CASZ1: variants seen among roughly 807,000 people sequenced by gnomAD.
The protein encoded by CASZ1 is castor zinc finger 1.
In CASZ1, 28 loss-of-function variants were observed where a neutral mutation model predicts 135.2. That is an observed-to-expected ratio of 0.21 (90% CI 0.15 to 0.28). The LOEUF (loss-of-function observed/expected upper bound fraction) is 0.28, where lower values mean the gene tolerates loss of function less well. Ranked by LOEUF, CASZ1 falls within the 10% of genes least tolerant of loss-of-function variation. The pLI, the probability that CASZ1 is intolerant of heterozygous loss-of-function variation, is 1.00. For synonymous variants in CASZ1, 1,068 were observed against 1,073.4 expected (o/e 0.99, Z 0.10); for missense variants, 2,161 against 2,453.3 (o/e 0.88, Z 2.52).
chr1:10,772,911 G>A (rs1035707561), intron 1 of CASZ1, among the ~76,000 whole-genome samples: 6 of 151,530 alleles, frequency 4.0e-5, no homozygotes, highest in Admixed American at 1.3e-4. Context: ...TGGGACCTCC[G>A]CCTGCCATGA....
At chr1:10,753,382 C>T (rs1640184424) in intron 2 of CASZ1, among the ~76,000 whole-genome samples, 1 of 152,222 alleles carries the variant, frequency 6.6e-6, no homozygotes, top group Non-Finnish European at 1.5e-5. Flanking sequence ...CCCGTCACTG[C>T]TGCACTGTCC....
chr1:10,761,141 G>C (rs1217502571), intron 1 of CASZ1, among the ~76,000 whole-genome samples: 1 of 152,266 alleles, frequency 6.6e-6, no homozygotes, highest in Non-Finnish European at 1.5e-5. Flanking sequence ...AACAATACTA[G>C]GCCAATCAGG....
In CASZ1 at chr1:10,747,367, G is replaced by A. The variant is rs986820857; in HGVS notation, c.-77+13334C>T. Among the ~76,000 whole-genome samples, 12 of 152,184 alleles carry A rather than the reference G, an allele frequency of 7.9e-5. No individual in the cohort carries two copies. Among genetic ancestry groups the A allele is most frequent in the African/African-American group, 2.2e-4 (9 of 41,452 alleles). ...CCATGGGCAGGGATTCTTACCAAGT[G>A]CTAAGTCTAGCACCTGCCAAACCGT... On this transcript the variant is annotated intron_variant, in intron 2 of 20. Transcript: ENST00000377022. The surrounding 1 kb of genome is among the most constrained non-coding windows in gnomAD (Gnocchi z 4.3).
chr1:10,753,157 T>A (rs536051733), intron 2 of CASZ1, among the ~76,000 whole-genome samples: 27 of 152,244 alleles, frequency 1.8e-4, no homozygotes, highest in Admixed American at 3.3e-4. Flanking sequence ...GAAATTTAAA[T>A]GTACTAGGTA....
chr1:10,716,016 C>A (rs1231718342), intron 2 of CASZ1, among the ~76,000 whole-genome samples: 23 of 137,784 alleles, frequency 1.7e-4, no homozygotes, highest in Middle Eastern at 4.3e-3. Flanking sequence ...CCAATCCACA[C>A]CCCACAGCAC....
rs908321631 is a variant in CASZ1 at position 10,787,428 on chromosome 1, C to T, written c.-234+9136G>A. Among the ~76,000 whole-genome samples, 6 of 152,336 alleles carry T rather than the reference C, an allele frequency of 3.9e-5. No individual in the cohort carries two copies. In the East Asian group the frequency reaches 5.8e-4, roughly 15 times the overall value. On this transcript the variant is annotated intron_variant, in intron 1 of 20. Transcript: ENST00000377022. ...GGTCTCCCCAAGGATCAGATTTCCC[C>T]GAAATTCCCGAAGGAGCTGTGGGGA...
chr1:10,693,797 G>A, intron 4 of CASZ1, 77 bp downstream of exon 4: 2 of 1,372,580 alleles, frequency 1.5e-6, no homozygotes, highest in East Asian at 2.3e-5. Flanking sequence ...CACCTCATTG[G>A]GCTAAAAATA....
intron 1 of CASZ1, among the ~76,000 whole-genome samples, chr1:10,790,903 G>T (rs12092612): frequency 6.6e-6 from 1 of 151,608 alleles, no homozygotes; most frequent in Non-Finnish European, 1.5e-5. Context: ...AGTTTGGGGG[G>T]GGACATCATG....
At chr1:10,681,230 C>T (rs530644313) in intron 4 of CASZ1, among the ~76,000 whole-genome samples, 1 of 151,420 alleles carries the variant, frequency 6.6e-6, no homozygotes, top group Admixed American at 6.6e-5. Flanking sequence ...AGTCTTTTAT[C>T]CATTACCCTC....
intron 2 of CASZ1, among the ~76,000 whole-genome samples, chr1:10,714,962 C>T (rs1361136801): frequency 6.6e-6 from 1 of 152,190 alleles, no homozygotes; most frequent in African/African-American, 2.4e-5. Context: ...CCGAGGAATT[C>T]CTATGAGACC....
At chr1:10,736,816 C>T (rs964433690) in intron 2 of CASZ1, among the ~76,000 whole-genome samples, 1 of 152,206 alleles carries the variant, frequency 6.6e-6, no homozygotes, top group Admixed American at 6.5e-5. Context: ...CAATCCATCA[C>T]TGAAGGACAG....
chr1:10,692,427 G>A (rs1054185526), intron 4 of CASZ1, among the ~76,000 whole-genome samples: 1 of 152,156 alleles, frequency 6.6e-6, no homozygotes, highest in Non-Finnish European at 1.5e-5. Flanking sequence ...GAAAGGGGGT[G>A]GGGCCTGAGA....
At position 10,642,776 on chromosome 1, in the gene CASZ1, C is replaced by T. The variant is rs1192383698; in HGVS notation, c.4162+83G>A. 6.7e-6 allele frequency: 10 copies of T among 1,501,212 alleles called. No individual in the cohort carries two copies. The Admixed American group carries it at 1.5e-4, about 23-fold the overall frequency. 93.0% of individuals were successfully genotyped at this position (1,501,212 alleles called of 1,614,324 possible). A position where few individuals can be genotyped will look rare whatever the true frequency, so the allele number is the denominator to read the frequency against. On this transcript the variant is annotated intron_variant, in intron 20 of 20. Coordinates refer to ENST00000377022, the MANE Select transcript of CASZ1 (RefSeq NM_001079843.3). ...CTCCTCGGAGGCCGCGTGCCCCGGA[C>T]CTTCTGTCCCAAGCTGCACCCAGCG... is the stretch of plus-strand genomic sequence containing the variant.
In CASZ1 at chr1:10,756,096, A is replaced by C. The variant is rs1640250145; in HGVS notation, c.-77+4605T>G. The stretch of plus-strand genomic sequence containing the variant: ...GTTCTGAGGCCTGGCAGACACGCCC[A>C]GGAAGACTGGCTGACACGCCCCTCG... On this transcript the variant is annotated intron_variant, in intron 2 of 20. Transcript: ENST00000377022. The surrounding 1 kb of genome is among the most constrained non-coding windows in gnomAD (Gnocchi z 5.9). 6.6e-6 allele frequency among the ~76,000 whole-genome samples: 1 copy of C among 151,912 alleles called. No individual in the cohort carries two copies. The highest frequency in any genetic ancestry group is 1.5e-5 in the Non-Finnish European group (1 of 67,966).
At position 10,700,666 on chromosome 1, in the gene CASZ1, T is replaced by G. The variant is rs1291893580; in HGVS notation, c.-24+4826A>C. The stretch of plus-strand genomic sequence containing the variant: ...CCGCAGCTCCATCTTCTACAGGCTC[T>G]GCTCCCTGAACCCAGGCACTGACCC... On this transcript the variant is annotated intron_variant, in intron 3 of 20. Transcript: ENST00000377022. The surrounding 1 kb of genome is among the most constrained non-coding windows in gnomAD (Gnocchi z 4.2). Among the ~76,000 whole-genome samples, 2 of 152,162 alleles carry G rather than the reference T, an allele frequency of 1.3e-5. No individual in the cohort carries two copies. Among genetic ancestry groups the G allele is most frequent in the African/African-American group, 4.8e-5 (2 of 41,428 alleles).
In CASZ1 at chr1:10,655,791, A is replaced by G; in HGVS notation, c.1523T>C (p.Val508Ala). Residue 508 changes from valine to alanine, a missense_variant, in exon 9 of 21, where the codon GTG (valine) becomes GCG (alanine). Physicochemically the swap from Val to Ala is moderately conservative, Grantham distance 64. Around this residue, in one of 7 missense-constraint regions of CASZ1, gnomAD observed 248 missense variants for 410.8 expected, o/e 0.60. Coordinates refer to ENST00000377022, the MANE Select transcript of CASZ1 (RefSeq NM_001079843.3). ...CTTGTGCATGTTGTAGTGGCGGATC[A>G]CGTCCTGCTTACTCGTGAACCTCTG... ...NYQRFTSKQDVIRHYNMHKKR... is the reference protein window; with the variant it reads ...NYQRFTSKQDAIRHYNMHKKR... The G allele has an allele frequency of 6.2e-7, 1 of 1,614,088 alleles. No individual in the cohort carries two copies. The highest frequency in any genetic ancestry group is 1.1e-5 in the South Asian group (1 of 91,086).
intron 2 of CASZ1, among the ~76,000 whole-genome samples, chr1:10,714,453 C>A (rs1160781255): frequency 6.6e-6 from 1 of 152,262 alleles, no homozygotes; most frequent in Non-Finnish European, 1.5e-5. Flanking sequence ...AGCCTCCACA[C>A]CTTCCACTAC....
At position 10,767,212 on chromosome 1, in the gene CASZ1, C is replaced by T. The variant is rs1223661881; in HGVS notation, c.-233-6355G>A. Among the ~76,000 whole-genome samples the T allele has an allele frequency of 6.6e-6, 1 of 152,240 alleles. No individual in the cohort carries two copies. The highest frequency in any genetic ancestry group is 2.4e-5 in the African/African-American group (1 of 41,458). On this transcript the variant is annotated intron_variant, in intron 1 of 20. Coordinates refer to ENST00000377022, the MANE Select transcript of CASZ1 (RefSeq NM_001079843.3). The surrounding 1 kb of genome is among the most constrained non-coding windows in gnomAD (Gnocchi z 4.2). ...ATGGGGCCCGGTCGTCCACATTCCTCATGAGTTCCTGCCCCAGTCCTGGCC... is the reference window on the plus strand; with the variant it reads ...ATGGGGCCCGGTCGTCCACATTCCTTATGAGTTCCTGCCCCAGTCCTGGCC...
At chr1:10,795,742 C>T (rs1641055179) in intron 1 of CASZ1, among the ~76,000 whole-genome samples, 1 of 151,452 alleles carries the variant, frequency 6.6e-6, no homozygotes, top group African/African-American at 2.4e-5. Context: ...AGGAACGCCA[C>T]TTGCCGCGCC....
Sources: gnomAD v4.1 joint callset for allele counts (sites outside exome capture counted in the v4.1 genomes callset) on GRCh38, gnomAD v4.1.1 for gene constraint, gnomAD v4.1.1 regional missense constraint, Gnocchi (gnomAD v3.1) non-coding constraint, MANE v1.5 for transcripts, NCBI Gene and HGNC (gene_info 2026-07-23, HGNC 2026-07-21) for gene names.